Variants in TUT1 observed in about 807,000 individuals in gnomAD.
TUT1 encodes the protein terminal uridylyl transferase 1, U6 snRNA-specific.
A neutral mutation model predicts 48.8 loss-of-function variants in TUT1; 26 were observed. That is an observed-to-expected ratio of 0.53 (90% CI 0.39 to 0.74). TUT1 has a LOEUF of 0.74. TUT1 is among the 30% of genes least tolerant of loss of function. TUT1 has a pLI of 0.00. For synonymous variants in TUT1, 470 were observed against 460.8 expected, an observed-to-expected ratio of 1.02 and a Z score of -0.26; for missense variants, 1,065 against 1,114.8, an observed-to-expected ratio of 0.96 and a Z score of 0.64.
intron 4 of TUT1, 42 bp from the exon 5 acceptor site, chr11:62,579,072 C>A: frequency 7.1e-7 from 1 of 1,398,710 alleles, no homozygotes; most frequent in South Asian, 1.6e-5. Flanking sequence ...TCTGCTGTTC[C>A]CTAAGCAGGG....
chr11:62,579,663 A>ATTTTTTT (rs35468652), intron 4 of TUT1, among the ~76,000 whole-genome samples: 1 of 128,240 alleles, frequency 7.8e-6, no homozygotes, highest in African/African-American at 2.9e-5. Context: ...AATAAAGTCC[A>ATTTTTTT]TTTTTTTTTT....
In TUT1 at chr11:62,589,121, A is replaced by G. The variant is rs748671689; in HGVS notation, c.183T>C (p.Ser61=). ...CAGAATCCACATCCCTGGGAAAGCC[A>G]CTGACAAACACACTTCGAAGTCCCT... ...KAQGLRSVFV[S]GFPRDVDSAQ... is the part of the protein sequence containing the mutation. Residue 61 remains serine, a synonymous_variant, in exon 2 of 9, where the codon AGT becomes AGC. Transcript: ENST00000476907. The G allele has an allele frequency of 2.5e-6, 4 of 1,614,270 alleles. No homozygotes were observed. The Admixed American group carries it at 6.7e-5, about 27-fold the overall frequency.
Position 62,575,208 on chromosome 11 carries a change from G to A in TUT1, c.2511C>T (p.Ser837=), listed in dbSNP as rs1418902773. ...TCACAGTGAGCATTCGGTCAGCCGG[G>A]GAGACAGACGCCACAAAGCTCAGCA... is the stretch of plus-strand genomic sequence containing the variant. ...EPLLSFVASV[S]PADRMLTVTP... is the part of the protein sequence containing the mutation. The change falls in exon 9 of 9, where the codon TCC becomes TCT. Residue 837 remains serine, a synonymous_variant. Transcript: ENST00000476907. The A allele has an allele frequency of 1.7e-5, 27 of 1,613,178 alleles. No individual in the cohort carries two copies. The highest frequency in any genetic ancestry group is 1.6e-4 in the Middle Eastern group (1 of 6,080).
At chr11:62,588,860 A>G (rs1401376163) in intron 2 of TUT1, among the ~76,000 whole-genome samples, 171 bp downstream of exon 2, 3 of 152,156 alleles carry the variant, frequency 2.0e-5, no homozygotes, top group Non-Finnish European at 2.9e-5. Flanking sequence ...ACACCCAGCT[A>G]ATTTTTTATT....
intron 2 of TUT1, among the ~76,000 whole-genome samples, chr11:62,587,800 A>G: frequency 6.6e-6 from 1 of 152,252 alleles, no homozygotes; most frequent in South Asian, 2.1e-4. Flanking sequence ...GTACAGCCTC[A>G]GAACCACAGT....
chr11:62,585,847 G>A (rs1941904881), intron 2 of TUT1, among the ~76,000 whole-genome samples: 1 of 152,024 alleles, frequency 6.6e-6, no homozygotes, highest in Non-Finnish European at 1.5e-5. Context: ...TGTAATCCCA[G>A]CCTGTAATCC....
In TUT1 at chr11:62,576,724, A is replaced by G. The variant is rs1941735290; in HGVS notation, c.1407T>C (p.Asp469=). 1 of 1,614,072 alleles carries G rather than the reference A, an allele frequency of 6.2e-7. No homozygotes were observed. Among genetic ancestry groups the G allele is most frequent in the African/African-American group, 1.3e-5 (1 of 74,928 alleles). ...KAGEGEQVEV[D]GWDCSFPRDA... ...CCCTGGGGAAACTGCAGTCCCAGCC[A>G]TCGACTTCCACCTGTTCCCCCTCTC... Residue 469 remains aspartate (D), a synonymous_variant, in exon 8 of 9, where the codon GAT becomes GAC. Transcript: ENST00000476907.
At chr11:62,576,463 A>T in intron 8 of TUT1, 194 bp downstream of exon 8, 1 of 783,240 alleles carries the variant, frequency 1.3e-6, no homozygotes, top group Non-Finnish European at 2.0e-6. Flanking sequence ...GCTCCTTGCT[A>T]GCCAGTGTAA....
At chr11:62,576,878 A>G in intron 7 of TUT1, 29 bp downstream of exon 7, 1 of 1,607,526 alleles carries the variant, frequency 6.2e-7, no homozygotes, top group Non-Finnish European at 8.5e-7. Flanking sequence ...AACTAACAAG[A>G]TGGAGAGGGT....
chr11:62,577,089 C>G, intron 6 of TUT1, 72 bp from the exon 7 acceptor site: 2 of 1,587,342 alleles, frequency 1.3e-6, no homozygotes, highest in Non-Finnish European at 1.7e-6. Context: ...TTTTCTCAAC[C>G]CCGGTGCCCA....
chr11:62,586,002 T>C (rs1422471298), intron 2 of TUT1, among the ~76,000 whole-genome samples: 6 of 152,214 alleles, frequency 3.9e-5, no homozygotes, highest in Non-Finnish European at 8.8e-5. Context: ...CTCGGGAGGC[T>C]GAGGCAGGAG....
At position 62,575,383 on chromosome 11, in the gene TUT1, C is replaced by T. The variant is rs200914716; in HGVS notation, c.2336G>A (p.Arg779Gln). Residue 779 changes from arginine to glutamine, a missense_variant, in exon 9 of 9, where the codon CGG becomes CAG. Physicochemically the swap from Arg to Gln is conservative, Grantham distance 43 (BLOSUM62 1). Transcript: ENST00000476907. ...ALWHRVWQGR[R>Q]RARRRLQQQT... The stretch of plus-strand genomic sequence containing the variant: ...CTGCTGCAAGCGTCTACGGGCTCGC[C>T]GCCGCCCTTGCCACACTCGGTGCCA... 1.9e-6 allele frequency: 3 copies of T among 1,612,824 alleles called. No homozygotes were observed. Among genetic ancestry groups the T allele is most frequent in the Non-Finnish European group, 2.5e-6 (3 of 1,180,026 alleles).
At chr11:62,576,596 A>G (rs1941732222) in intron 8 of TUT1, 61 bp downstream of exon 8, 2 of 1,405,252 alleles carry the variant, frequency 1.4e-6, no homozygotes, top group East Asian at 2.3e-5. Context: ...TTAGTGTGAT[A>G]TATGTTACCT....
chr11:62,577,191 C>G lies in TUT1; in HGVS notation c.1261G>C (p.Gly421Arg), dbSNP rs548842487. 6.2e-7 allele frequency: 1 copy of G among 1,609,220 alleles called. No individual in the cohort carries two copies. The highest frequency in any genetic ancestry group is 1.3e-5 in the African/African-American group (1 of 74,648). Residue 421 changes from glycine (G) to arginine (R), a missense_variant, in exon 6 of 9, where the codon GGG becomes CGG. Physicochemically the swap from Gly to Arg is moderately radical, Grantham distance 125. Transcript: ENST00000476907. ...CCTGATCCATTCTCACCTGACAGCC[C>G]CCGACCCTGAGCCCAGCAGCGGAGG... Reference protein sequence around the residue: ...YTLRCWAQGRGLSGSGPLLSN... With the variant: ...YTLRCWAQGRRLSGSGPLLSN...
intron 1 of TUT1, among the ~76,000 whole-genome samples, chr11:62,589,578 A>C (rs1370820454): frequency 6.6e-6 from 1 of 152,058 alleles, no homozygotes; most frequent in Non-Finnish European, 1.5e-5. Context: ...TAATTTTTGT[A>C]TTTTTAGTAG....
At chr11:62,587,092 C>CAAAA (rs202002182) in intron 2 of TUT1, among the ~76,000 whole-genome samples, 8 of 108,320 alleles carry the variant, frequency 7.4e-5, no homozygotes, top group African/African-American at 2.2e-4. Flanking sequence ...AACTCCCTCT[C>CAAAA]AAAAAAAAAA....
intron 2 of TUT1, among the ~76,000 whole-genome samples, chr11:62,588,454 T>C (rs1941954236): frequency 6.6e-6 from 1 of 152,020 alleles, no homozygotes; most frequent in Non-Finnish European, 1.5e-5. Flanking sequence ...CTTGGGTGGC[T>C]AAGGTGTGAG....
chr11:62,575,114 C>T lies in TUT1; in HGVS notation c.2605G>A (p.Ala869Thr). The T allele has an allele frequency of 6.4e-7, 1 of 1,570,652 alleles. No homozygotes were observed. Among genetic ancestry groups the T allele is most frequent in the South Asian group, 1.2e-5 (1 of 84,960 alleles). ...TGTCTTCACTTGAGATGTCGAATTG[C>T]TTGAGGGAGGAAAACCTGTAAGAAA... The part of the protein sequence containing the change: ...HHFLQVFLPQ[A>T]IRHLK Residue 869 changes from alanine (A) to threonine (T), a missense_variant, in exon 9 of 9, where the codon GCA becomes ACA. Coordinates refer to ENST00000476907, the MANE Select transcript of TUT1 (RefSeq NM_022830.3).
In TUT1 at chr11:62,581,601, GGGCGGACACGCA is replaced by G; in HGVS notation, c.362_373del (p.Leu121_Arg124del). 19 of 1,599,572 alleles carry G rather than the reference GGGCGGACACGCA, an allele frequency of 1.2e-5. No individual in the cohort carries two copies. The highest frequency in any genetic ancestry group is 1.5e-5 in the Non-Finnish European group (18 of 1,171,982). On this transcript the variant is annotated inframe_deletion, in exon 3 of 9. Transcript: ENST00000476907. The stretch of plus-strand genomic sequence containing the variant: ...GCTCTGGAACTCCTTCTGCTCCCGT[GGGCGGACACGCA>G]GGCGATGTCCTCCCAGGCTGTGCTG...
Sources: allele counts gnomAD v4.1 joint callset (sites outside exome capture counted in the v4.1 genomes callset), GRCh38; gene constraint gnomAD v4.1.1; transcripts MANE v1.5; gene names NCBI Gene and HGNC (gene_info 2026-07-23, HGNC 2026-07-21).